The following ADAM23 variants were observed in gnomAD, a reference collection of about 807,000 sequenced individuals.
The protein encoded by ADAM23 is ADAM metallopeptidase domain 23.
ADAM23 carries 33 observed loss-of-function variants against 120.1 expected under a neutral mutation model. The observed-to-expected ratio is 0.27, with a 90% CI of 0.21 to 0.37. ADAM23 has a LOEUF of 0.37. ADAM23 is among the 10% of genes least tolerant of loss of function. The probability of loss-of-function intolerance (pLI) is 1.00; values close to 1 mark genes in which losing one functional copy is unlikely to be tolerated. For synonymous variants in ADAM23, 367 were observed against 375.2 expected (o/e 0.98, Z 0.25); for missense variants, 862 against 1,058.2 (o/e 0.81, Z 2.57).
chr2:206,562,830 CT>C (rs1405389510), intron 13 of ADAM23, among the ~76,000 whole-genome samples: 1 of 152,194 alleles, frequency 6.6e-6, no homozygotes, highest in African/African-American at 2.4e-5. Context: ...GGATTCTCCT[CT>C]AGTGGCCCAG....
chr2:206,547,622 G>A (rs112283896), intron 7 of ADAM23, 121 bp downstream of exon 7: 32 of 775,124 alleles, frequency 4.1e-5, no homozygotes, highest in African/African-American at 2.5e-4. Flanking sequence ...GGTGAACATC[G>A]TGGATCAGCA....
chr2:206,603,816 C>G (rs755079216), intron 24 of ADAM23, among the ~76,000 whole-genome samples: 1 of 152,042 alleles, frequency 6.6e-6, no homozygotes, highest in South Asian at 2.1e-4. Flanking sequence ...CTTACAATTT[C>G]TAAAAAATTA....
chr2:206,444,202 G>A, intron 1 of ADAM23, 122 bp downstream of exon 1: 2 of 731,676 alleles, frequency 2.7e-6, no homozygotes, highest in Non-Finnish European at 3.7e-6. Flanking sequence ...TTCCCTCCCT[G>A]CCTGTCTTTC....
At position 206,525,882 on chromosome 2, in the gene ADAM23, G is replaced by C. The variant is rs113831047; in HGVS notation, c.510-5003G>C. On this transcript the variant is annotated intron_variant, in intron 3 of 25. Transcript: ENST00000264377. ...TGAGATTATAGGCATGAGCCACCGC[G>C]TCTGGCTGGTTCTTTGTTTAAAGTA... Among the ~76,000 whole-genome samples the C allele has an allele frequency of 4.3e-4, 66 of 152,158 alleles. 1 individual carries two copies. The South Asian group carries it at 0.013, about 30-fold the overall frequency.
chr2:206,576,111 A>C (rs1380599155), intron 18 of ADAM23, among the ~76,000 whole-genome samples: 1 of 152,168 alleles, frequency 6.6e-6, no homozygotes, highest in Non-Finnish European at 1.5e-5. Context: ...TTCAATATAT[A>C]AATAGGTTTT....
At position 206,610,020 on chromosome 2, in the gene ADAM23, T is replaced by G; in HGVS notation, c.2450+20T>G. The G allele has an allele frequency of 6.5e-7, 1 of 1,536,094 alleles. No homozygotes were observed. The highest frequency in any genetic ancestry group is 8.7e-7 in the Non-Finnish European group (1 of 1,150,672). On this transcript the variant is annotated intron_variant, in intron 25 of 25. Transcript: ENST00000264377. ...ATTTAAGTAAGCAACGCCGCATGTC[T>G]TCTTCTCAGTGGCTCTGGCATTTCT...
At chr2:206,598,202 GTTTCTGTGATTT>G (rs957256758) in intron 24 of ADAM23, among the ~76,000 whole-genome samples, 7 of 151,892 alleles carry the variant, frequency 4.6e-5, no homozygotes, top group African/African-American at 1.7e-4. Flanking sequence ...TCTCCACAGT[GTTTCTGTGATTT>G]TTTTTTTAAG....
At chr2:206,467,558 C>T (rs1314199917) in intron 2 of ADAM23, among the ~76,000 whole-genome samples, 1 of 152,222 alleles carries the variant, frequency 6.6e-6, no homozygotes, top group Non-Finnish European at 1.5e-5. Context: ...TGTGGCTTTG[C>T]AGAGTTCAGC....
chr2:206,501,991 C>T (rs1046702676), intron 3 of ADAM23, among the ~76,000 whole-genome samples: 1 of 151,944 alleles, frequency 6.6e-6, no homozygotes, highest in Non-Finnish European at 1.5e-5. Context: ...TTAGTTTATT[C>T]TAAAAATTAA....
chr2:206,499,197 G>A (rs1057148432), intron 3 of ADAM23, among the ~76,000 whole-genome samples: 18 of 151,896 alleles, frequency 1.2e-4, no homozygotes, highest in East Asian at 5.8e-4. Flanking sequence ...ACATGCACAC[G>A]TATGTTTATT....
At chr2:206,514,676 G>A (rs377684089) in intron 3 of ADAM23, among the ~76,000 whole-genome samples, 2 of 152,174 alleles carry the variant, frequency 1.3e-5, no homozygotes, top group Non-Finnish European at 2.9e-5. Flanking sequence ...CTGTCACACA[G>A]CATCACATGC....
At chr2:206,552,782 C>G (rs752986401) in intron 9 of ADAM23, among the ~76,000 whole-genome samples, 1 of 152,124 alleles carries the variant, frequency 6.6e-6, no homozygotes, top group Non-Finnish European at 1.5e-5. Flanking sequence ...CCATTTCAGC[C>G]TCCCGAGTAG....
intron 13 of ADAM23, among the ~76,000 whole-genome samples, chr2:206,563,812 C>T (rs963138125): frequency 7.9e-5 from 12 of 151,518 alleles, no homozygotes; most frequent in Non-Finnish European, 1.0e-4. Context: ...TCACTGCAAC[C>T]TCCACCTCCT....
intron 4 of ADAM23, among the ~76,000 whole-genome samples, chr2:206,538,735 A>G (rs1172088013): frequency 2.0e-5 from 3 of 152,218 alleles, no homozygotes; most frequent in Non-Finnish European, 4.4e-5. Flanking sequence ...TAAAATGAGT[A>G]GAATCAAACA....
intron 13 of ADAM23, among the ~76,000 whole-genome samples, chr2:206,564,091 T>C (rs2105824929): frequency 6.6e-6 from 1 of 152,252 alleles, no homozygotes; most frequent in African/African-American, 2.4e-5. Flanking sequence ...GTTCTAAACT[T>C]TGAGTTTAAA....
chr2:206,555,237 T>C (rs1375267883), intron 9 of ADAM23, among the ~76,000 whole-genome samples: 2 of 152,190 alleles, frequency 1.3e-5, no homozygotes, highest in African/African-American at 4.8e-5. Flanking sequence ...ATCAGAACTC[T>C]TAGTTCCCTA....
chr2:206,550,201 A>T (rs1424378638), intron 9 of ADAM23, 41 bp downstream of exon 9: 1 of 1,258,532 alleles, frequency 7.9e-7, no homozygotes, highest in Non-Finnish European at 1.1e-6. Flanking sequence ...CAGATAGCTT[A>T]CTTAAGAAAG....
chr2:206,548,074 C>A (rs1697435744), intron 7 of ADAM23, among the ~76,000 whole-genome samples: 1 of 152,104 alleles, frequency 6.6e-6, no homozygotes, highest in Non-Finnish European at 1.5e-5. Context: ...GAATCTTGAA[C>A]ATTATGTTTT....
intron 3 of ADAM23, among the ~76,000 whole-genome samples, chr2:206,511,924 A>C (rs1038505270): frequency 6.6e-6 from 1 of 152,204 alleles, no homozygotes; most frequent in Non-Finnish European, 1.5e-5. Context: ...ATTCCCTGGA[A>C]GTATTTTGAT....
Sources: allele counts gnomAD v4.1 joint callset (sites outside exome capture counted in the v4.1 genomes callset), GRCh38; gene constraint gnomAD v4.1.1; transcripts MANE v1.5; gene names NCBI Gene and HGNC (gene_info 2026-07-23, HGNC 2026-07-21).